Variants in CLEC16A observed in about 807,000 individuals in gnomAD.
The protein encoded by CLEC16A is C-type lectin domain containing 16A.
A neutral mutation model predicts 109.5 loss-of-function variants in CLEC16A; 51 were observed. The ratio of observed to expected loss-of-function variants is 0.47; its 90% CI spans 0.37 to 0.59. The LOEUF (loss-of-function observed/expected upper bound fraction) is 0.59. Ranked by LOEUF, CLEC16A falls within the 20% of genes least tolerant of loss-of-function variation. CLEC16A has a pLI of 0.00. For missense variants in CLEC16A, 1,339 were observed against 1,394.0 expected, an observed-to-expected ratio of 0.96 and a Z score of 0.63; for synonymous variants, 673 against 564.2, an observed-to-expected ratio of 1.19 and a Z score of -2.73.
intron 22 of CLEC16A, among the ~76,000 whole-genome samples, chr16:11,132,237 C>G (rs1240327756): frequency 7.3e-6 from 1 of 136,058 alleles, no homozygotes; most frequent in African/African-American, 2.9e-5. Flanking sequence ...CCCACCCACC[C>G]CCCCCGCCCC....
At position 10,957,905 on chromosome 16, in the gene CLEC16A, A is replaced by T; in HGVS notation, c.204A>T (p.Val68=). The T allele has an allele frequency of 6.2e-7, 1 of 1,613,700 alleles. No individual in the cohort carries two copies. The highest frequency in any genetic ancestry group is 8.5e-7 in the Non-Finnish European group (1 of 1,179,754). Reference sequence around the variant, plus strand: ...GGGGAGATCAAAATGACAGCTCTGTATTTGAGTAAGGGTTTCTAATGATTG... The same window carrying T: ...GGGGAGATCAAAATGACAGCTCTGTTTTTGAGTAAGGGTTTCTAATGATTG... ...LIWGDQNDSS[V]FDFFLEKNMF... is the part of the protein sequence containing the mutation. Residue 68 remains valine (V), a synonymous_variant, in exon 2 of 24, where the codon GTA becomes GTT. Coordinates refer to ENST00000409790, the MANE Select transcript of CLEC16A (RefSeq NM_015226.3).
At chr16:11,061,165 G>C in intron 19 of CLEC16A, 143 bp downstream of exon 19, 4 of 981,426 alleles carry the variant, frequency 4.1e-6, no homozygotes, top group Non-Finnish European at 5.5e-6. Flanking sequence ...TGAGCCAGCG[G>C]TGTGCATGTC....
At chr16:11,124,892 G>T (rs138330732) in intron 21 of CLEC16A, among the ~76,000 whole-genome samples, 1 of 152,182 alleles carries the variant, frequency 6.6e-6, no homozygotes, top group Non-Finnish European at 1.5e-5. Context: ...TTCGAGGCCA[G>T]CCTGGGAAAC....
chr16:11,042,533 C>T (rs2152856010), intron 15 of CLEC16A, among the ~76,000 whole-genome samples, 170 bp downstream of exon 15: 2 of 152,346 alleles, frequency 1.3e-5, no homozygotes, highest in East Asian at 3.9e-4. Flanking sequence ...ACTTATTCAG[C>T]AGGGACTTCC....
At chr16:11,065,899 C>G (rs1428282180) in intron 19 of CLEC16A, among the ~76,000 whole-genome samples, 4 of 152,180 alleles carry the variant, frequency 2.6e-5, no homozygotes, top group Non-Finnish European at 4.4e-5. Flanking sequence ...TGGGAAGAGC[C>G]AGATCTCAAC....
chr16:11,040,993 C>T (rs2047305146), intron 14 of CLEC16A: 1 of 152,196 alleles, frequency 6.6e-6, no homozygotes, highest in East Asian at 1.9e-4. Flanking sequence ...TGAAGGCCTC[C>T]TCCTCTCCAC....
intron 22 of CLEC16A, among the ~76,000 whole-genome samples, chr16:11,138,967 C>G (rs1188214698): frequency 6.8e-6 from 1 of 147,774 alleles, no homozygotes; most frequent in Non-Finnish European, 1.5e-5. Context: ...GAGAAACTAA[C>G]AGGATTTGGT....
At chr16:11,006,307 C>G (rs1014578468) in intron 11 of CLEC16A, among the ~76,000 whole-genome samples, 1 of 152,156 alleles carries the variant, frequency 6.6e-6, no homozygotes, top group Non-Finnish European at 1.5e-5. Context: ...AAATGAGATG[C>G]GTTTATCAGA....
In CLEC16A at chr16:11,123,828, C is replaced by G; in HGVS notation, c.2355C>G (p.Pro785=). The change falls in exon 21 of 24, where the codon CCC becomes CCG. Residue 785 remains proline, a synonymous_variant. Transcript: ENST00000409790. ...CTGCGTCCAGCCCCCATTCCAAGCC[C>G]TTCCCCATCCTCCAGGCCACCTTCA... ...HKPASSPHSK[P]FPILQATFIF... is the part of the protein sequence containing the mutation. 3 of 1,614,070 alleles carry G rather than the reference C, an allele frequency of 1.9e-6. No homozygotes were observed. Among genetic ancestry groups the G allele is most frequent in the Non-Finnish European group, 2.5e-6 (3 of 1,179,896 alleles).
At chr16:11,097,855 A>G (rs1466310943) in intron 19 of CLEC16A, among the ~76,000 whole-genome samples, 1 of 152,232 alleles carries the variant, frequency 6.6e-6, no homozygotes, top group Non-Finnish European at 1.5e-5. Context: ...GCACAAACCT[A>G]TGATCAGACT....
Position 11,178,562 on chromosome 16 carries a change from C to G in CLEC16A, c.3034C>G (p.Pro1012Ala), listed in dbSNP as rs200175537. Residue 1012 changes from proline (P) to alanine (A), a missense_variant, in exon 24 of 24, where the codon CCA (proline) becomes GCA (alanine). Physicochemically the swap from Pro to Ala is conservative, Grantham distance 27. Transcript: ENST00000409790. This position sits in a 1 kb window ranked among gnomAD's most constrained non-coding sequence, Gnocchi z 6.5. Reference protein sequence around the residue: ...LSVESLTLVPPVDPHSLRSLT... With the variant: ...LSVESLTLVPAVDPHSLRSLT... Reference sequence around the variant, plus strand: ...CGTCGAATCGCTGACCCTTGTCCCCCCAGTTGACCCCCACAGCCTCCGCAG... The same window carrying G: ...CGTCGAATCGCTGACCCTTGTCCCCGCAGTTGACCCCCACAGCCTCCGCAG... 6.2e-7 allele frequency: 1 copy of G among 1,612,166 alleles called. No individual in the cohort carries two copies. The highest frequency in any genetic ancestry group is 8.5e-7 in the Non-Finnish European group (1 of 1,179,792).
intron 19 of CLEC16A, among the ~76,000 whole-genome samples, chr16:11,110,959 C>T (rs1019273859): frequency 6.6e-6 from 1 of 152,170 alleles, no homozygotes; most frequent in Non-Finnish European, 1.5e-5. Context: ...TCCTTCCCAG[C>T]ATCTTAAAGT....
intron 19 of CLEC16A, among the ~76,000 whole-genome samples, chr16:11,100,990 G>C (rs111464950): frequency 0.025 from 3,823 of 152,216 alleles, 140 homozygotes; most frequent in African/African-American, 0.08. Flanking sequence ...TTCATTTTCA[G>C]CCCTGCAGCC....
intron 10 of CLEC16A, among the ~76,000 whole-genome samples, chr16:10,987,934 G>T (rs1404871213): frequency 6.6e-6 from 1 of 152,244 alleles, no homozygotes; most frequent in Admixed American, 6.5e-5. Flanking sequence ...AAGCAGAGGG[G>T]AGATCACAGT....
intron 22 of CLEC16A, among the ~76,000 whole-genome samples, chr16:11,144,050 A>G (rs2053952239): frequency 6.6e-6 from 1 of 152,218 alleles, no homozygotes; most frequent in African/African-American, 2.4e-5. Context: ...CATTGACCTT[A>G]AATCTGCAAA....
At chr16:11,130,025 G>A (rs1436211098) in intron 22 of CLEC16A, among the ~76,000 whole-genome samples, 1 of 152,170 alleles carries the variant, frequency 6.6e-6, no homozygotes, top group Non-Finnish European at 1.5e-5. Context: ...GCCTCCCAAA[G>A]TGCTGGGATT....
chr16:11,056,323 G>A (rs1433928157), intron 18 of CLEC16A, among the ~76,000 whole-genome samples: 1 of 152,234 alleles, frequency 6.6e-6, no homozygotes, highest in Non-Finnish European at 1.5e-5. Context: ...GTAGACGAGT[G>A]TGGCTGTGAA....
chr16:11,011,629 C>T (rs1471206850), intron 11 of CLEC16A, among the ~76,000 whole-genome samples: 2 of 152,158 alleles, frequency 1.3e-5, no homozygotes, highest in African/African-American at 2.4e-5. Flanking sequence ...AAGATTTGGG[C>T]ACTGGATGTG....
intron 19 of CLEC16A, among the ~76,000 whole-genome samples, chr16:11,118,045 G>T (rs1038449232): frequency 6.6e-6 from 1 of 151,922 alleles, no homozygotes; most frequent in Non-Finnish European, 1.5e-5. Context: ...TACACTCATG[G>T]CTCACTGCAG....
Sources: allele counts gnomAD v4.1 joint callset (sites outside exome capture counted in the v4.1 genomes callset), GRCh38; gene constraint gnomAD v4.1.1; non-coding constraint Gnocchi (gnomAD v3.1); transcripts MANE v1.5; gene names NCBI Gene and HGNC (gene_info 2026-07-23, HGNC 2026-07-21).